MBNL1: variants seen among roughly 807,000 people sequenced by gnomAD.
MBNL1 encodes the protein muscleblind like splicing regulator 1, also known as muscleblind-like protein 1.
A neutral mutation model predicts 42.2 loss-of-function variants in MBNL1; 8 were observed. The observed-to-expected ratio is 0.19, with a 90% CI of 0.11 to 0.34. The LOEUF is 0.34. MBNL1 is among the 10% of genes least tolerant of loss of function. MBNL1 has a pLI of 1.00. For synonymous variants in MBNL1, 169 were observed against 173.9 expected (o/e 0.97, Z 0.22); for missense variants, 309 against 495.3 (o/e 0.62, Z 3.57).
chr3:152,327,036 T>C (rs1411000091), intron 2 of MBNL1, among the ~76,000 whole-genome samples: 1 of 152,022 alleles, frequency 6.6e-6, no homozygotes, highest in Non-Finnish European at 1.5e-5. Context: ...CTTGAACTCC[T>C]GACCTCAAAT....
At chr3:152,280,112 T>G (rs1483199382) in intron 1 of MBNL1, among the ~76,000 whole-genome samples, 1 of 152,186 alleles carries the variant, frequency 6.6e-6, no homozygotes, top group Admixed American at 6.6e-5. Context: ...AAATATTGAT[T>G]GCAGTGCCAG....
At position 152,355,592 on chromosome 3, in the gene MBNL1, T is replaced by C. The variant is rs147735204; in HGVS notation, c.174+55225T>C. The stretch of plus-strand genomic sequence containing the variant: ...ATAAGATCATGGAATTAACCATTTT[T>C]TCGTATTTTTCAATTAGAAAAATTT... On this transcript the variant is annotated intron_variant, in intron 2 of 9. Coordinates refer to ENST00000324210, the MANE Select transcript of MBNL1 (RefSeq NM_021038.5). Among the ~76,000 whole-genome samples the C allele has an allele frequency of 6.4e-3, 977 of 152,342 alleles. 9 individuals are homozygous for C. Among genetic ancestry groups the C allele is most frequent in the African/African-American group, 0.022 (934 of 41,574 alleles).
chr3:152,363,708 T>G (rs1270897821), intron 2 of MBNL1, among the ~76,000 whole-genome samples: 1 of 152,096 alleles, frequency 6.6e-6, no homozygotes, highest in African/African-American at 2.4e-5. Flanking sequence ...TATTGATAGT[T>G]CCATTTTAGA....
intron 1 of MBNL1, among the ~76,000 whole-genome samples, chr3:152,276,912 A>T (rs1301398634): frequency 2.0e-5 from 3 of 152,118 alleles, no homozygotes; most frequent in Non-Finnish European, 4.4e-5. Context: ...TGGCCCTAGA[A>T]TGAAAAGGAG....
intron 2 of MBNL1, among the ~76,000 whole-genome samples, chr3:152,316,093 G>T (rs994260948): frequency 1.3e-5 from 2 of 152,162 alleles, no homozygotes; most frequent in Non-Finnish European, 2.9e-5. Context: ...ATAAATTGAA[G>T]AAGTACCACT....
At chr3:152,425,570 T>TG (rs1444187915) in intron 3 of MBNL1, among the ~76,000 whole-genome samples, 1 of 150,398 alleles carries the variant, frequency 6.6e-6, no homozygotes, top group East Asian at 2.0e-4. Flanking sequence ...ATCACGCCAC[T>TG]GCACTCCAGC....
chr3:152,361,294 A>G (rs1489475504), intron 2 of MBNL1, among the ~76,000 whole-genome samples: 2 of 152,014 alleles, frequency 1.3e-5, no homozygotes, highest in African/African-American at 2.4e-5. Context: ...GCAGTGGAGT[A>G]TGAACATCAG....
At chr3:152,351,778 A>C (rs990956448) in intron 2 of MBNL1, among the ~76,000 whole-genome samples, 1 of 152,150 alleles carries the variant, frequency 6.6e-6, no homozygotes, top group Non-Finnish European at 1.5e-5. Flanking sequence ...TGCTGAAGTG[A>C]CTTTTAAGAT....
At chr3:152,310,459 A>G (rs1291569247) in intron 2 of MBNL1, among the ~76,000 whole-genome samples, 1 of 152,244 alleles carries the variant, frequency 6.6e-6, no homozygotes, top group African/African-American at 2.4e-5. Flanking sequence ...TTGTTTAAAT[A>G]GCAAGATTAT....
At chr3:152,302,568 G>A (rs1336325617) in intron 2 of MBNL1, 1 of 152,066 alleles carries the variant, frequency 6.6e-6, no homozygotes, top group Non-Finnish European at 1.5e-5. Context: ...CCTTCAGATA[G>A]CAGTCCTCTT....
intron 1 of MBNL1, among the ~76,000 whole-genome samples, chr3:152,277,639 A>T (rs2046037142): frequency 6.6e-6 from 1 of 152,156 alleles, no homozygotes; most frequent in Non-Finnish European, 1.5e-5. Flanking sequence ...TATTTCAAAT[A>T]GAATAGAAAG....
At chr3:152,317,294 T>C (rs1046048402) in intron 2 of MBNL1, among the ~76,000 whole-genome samples, 6 of 152,208 alleles carry the variant, frequency 3.9e-5, no homozygotes, top group Non-Finnish European at 7.3e-5. Flanking sequence ...ATTTTAGTTG[T>C]ATAAAGAATT....
chr3:152,450,158 C>T (rs916344867), intron 6 of MBNL1, among the ~76,000 whole-genome samples: 5 of 149,188 alleles, frequency 3.4e-5, no homozygotes, highest in Middle Eastern at 3.4e-3. Context: ...TACACACACA[C>T]ACACATATTT....
chr3:152,425,299 A>T (rs562384588), intron 3 of MBNL1, among the ~76,000 whole-genome samples: 1 of 151,184 alleles, frequency 6.6e-6, no homozygotes, highest in Non-Finnish European at 1.5e-5. Context: ...AATGTATGAA[A>T]AAAAGCTCAT....
intron 2 of MBNL1, among the ~76,000 whole-genome samples, chr3:152,356,435 T>C (rs998928743): frequency 1.3e-5 from 2 of 152,204 alleles, no homozygotes; most frequent in African/African-American, 4.8e-5. Context: ...AGGAAGCTTC[T>C]AGTAATCCAA....
chr3:152,341,430 C>CAT (rs1226849671), intron 2 of MBNL1, among the ~76,000 whole-genome samples: 1 of 152,116 alleles, frequency 6.6e-6, no homozygotes, highest in Admixed American at 6.5e-5. Flanking sequence ...ACACTTAATT[C>CAT]ACAAACAGTA....
At chr3:152,393,622 CTTCCA>C (rs1334961666) in intron 2 of MBNL1, among the ~76,000 whole-genome samples, 2 of 152,112 alleles carry the variant, frequency 1.3e-5, no homozygotes, top group African/African-American at 4.8e-5. Flanking sequence ...ATGAAGTTAC[CTTCCA>C]TTAATGTCTT....
chr3:152,402,923 G>A (rs1299769479), intron 2 of MBNL1, among the ~76,000 whole-genome samples: 1 of 152,154 alleles, frequency 6.6e-6, no homozygotes, highest in Non-Finnish European at 1.5e-5. Context: ...TGTCACCAGG[G>A]AAGGAAGATG....
intron 2 of MBNL1, among the ~76,000 whole-genome samples, chr3:152,385,966 A>G (rs569553747): frequency 3.4e-4 from 52 of 152,186 alleles, no homozygotes; most frequent in African/African-American, 1.2e-3. Flanking sequence ...AGGAACATTC[A>G]GTGATGTACT....
Sources: gnomAD v4.1 joint callset for allele counts (sites outside exome capture counted in the v4.1 genomes callset) on GRCh38, gnomAD v4.1.1 for gene constraint, MANE v1.5 for transcripts, NCBI Gene and HGNC (gene_info 2026-07-23, HGNC 2026-07-21) for gene names.